Variants in MTUS1 observed in about 807,000 individuals in gnomAD.
The protein encoded by MTUS1 is microtubule associated scaffold protein 1.
MTUS1 carries 109 observed loss-of-function variants against 120.8 expected under a neutral mutation model. The observed-to-expected ratio is 0.90, with a 90% CI of 0.77 to 1.06. The LOEUF (loss-of-function observed/expected upper bound fraction) is 1.06, where lower values mean the gene tolerates loss of function less well. Among genes scored for constraint, MTUS1 ranks in the 50% least tolerant of loss-of-function variants. MTUS1 has a pLI of 0.00. For missense variants in MTUS1, 2,210 were observed against 1,486.3 expected (o/e 1.49, Z -8.01); for synonymous variants, 737 against 550.5 (o/e 1.34, Z -4.74).
In MTUS1 at chr8:17,754,703, G is replaced by T; in HGVS notation, c.1105C>A (p.His369Asn). 1 of 1,614,198 alleles carries T rather than the reference G, an allele frequency of 6.2e-7. No individual in the cohort carries two copies. Among genetic ancestry groups the T allele is most frequent in the South Asian group, 1.1e-5 (1 of 91,086 alleles). ...GTGTCTTCAGTCTCAGTGACTTTATGCTCTGGGTTCAGCACTTGAGCTTCG... is the reference window on the plus strand; with the variant it reads ...GTGTCTTCAGTCTCAGTGACTTTATTCTCTGGGTTCAGCACTTGAGCTTCG... ...KSEAQVLNPE[H>N]KVTETEDTQM... Residue 369 changes from histidine to asparagine, a missense_variant, in exon 2 of 15, where the codon CAT becomes AAT. Transcript: ENST00000693296.
chr8:17,665,482 G>C (rs1462749069), intron 8 of MTUS1, among the ~76,000 whole-genome samples: 9 of 151,798 alleles, frequency 5.9e-5, no homozygotes, highest in African/African-American at 2.2e-4. Flanking sequence ...TACCAAAGAA[G>C]AATGGAAATA....
At chr8:17,713,376 G>A in intron 5 of MTUS1, 124 bp from the exon 6 acceptor site, 1 of 635,122 alleles carries the variant, frequency 1.6e-6, no homozygotes, top group Admixed American at 3.2e-5. Context: ...TTCCCGGTGG[G>A]AAATATCACC....
At position 17,678,958 on chromosome 8, in the gene MTUS1, A is replaced by C. The variant is rs75216518; in HGVS notation, c.2839-3706T>G. On this transcript the variant is annotated intron_variant, in intron 7 of 14. Transcript: ENST00000693296. ...AGGATAAACCAAGAATTAGAAAAAA[A>C]CTAAAATAACTTTAGTGTGTCTTCT... Among the ~76,000 whole-genome samples the C allele has an allele frequency of 6.2e-3, 949 of 152,328 alleles. 12 individuals are homozygous for C. The highest frequency in any genetic ancestry group is 0.022 in the African/African-American group (896 of 41,556).
At chr8:17,699,074 C>T (rs914101399) in intron 6 of MTUS1, among the ~76,000 whole-genome samples, 2 of 152,146 alleles carry the variant, frequency 1.3e-5, no homozygotes, top group Admixed American at 6.6e-5. Context: ...GCATTAAAAA[C>T]AAACAGAAGA....
At chr8:17,778,137 G>A (rs956824509) in intron 1 of MTUS1, among the ~76,000 whole-genome samples, 5 of 152,034 alleles carry the variant, frequency 3.3e-5, no homozygotes, top group Admixed American at 6.6e-5. Flanking sequence ...TGTCCATCAC[G>A]GGTAGATTAT....
At chr8:17,669,038 G>A (rs754081190) in intron 8 of MTUS1, among the ~76,000 whole-genome samples, 5 of 152,220 alleles carry the variant, frequency 3.3e-5, no homozygotes, top group Non-Finnish European at 7.3e-5. Context: ...CACCTGCTAA[G>A]TGCCAAGCAC....
chr8:17,757,683 T>C (rs1282944935), intron 1 of MTUS1, among the ~76,000 whole-genome samples: 1 of 152,062 alleles, frequency 6.6e-6, no homozygotes, highest in Non-Finnish European at 1.5e-5. Context: ...TACACCTTCA[T>C]GCGTGGCTGA....
chr8:17,698,191 A>T (rs921504387), intron 6 of MTUS1, among the ~76,000 whole-genome samples: 1 of 152,234 alleles, frequency 6.6e-6, no homozygotes, highest in African/African-American at 2.4e-5. Context: ...AGAATAGTCC[A>T]TCAGATAGGC....
At position 17,743,783 on chromosome 8, in the gene MTUS1, G is replaced by A. The variant is rs2131270395; in HGVS notation, c.2108C>T (p.Thr703Ile). Residue 703 changes from threonine (T) to isoleucine (I), a missense_variant, in exon 3 of 15, where the codon ACA (threonine) becomes ATA (isoleucine). Coordinates refer to ENST00000693296, the MANE Select transcript of MTUS1 (RefSeq NM_001363059.2). ...GSLFLGSASKTTTTSGRNISK... is the reference protein window; with the variant it reads ...GSLFLGSASKITTTSGRNISK... ...TATATTCCTACCTGAGGTGGTCGTT[G>A]TTTTTGAAGCAGAGCCCTGTGAAAA... is the stretch of plus-strand genomic sequence containing the variant. 1.2e-6 allele frequency: 2 copies of A among 1,613,838 alleles called. No individual in the cohort carries two copies. Among genetic ancestry groups the A allele is most frequent in the East Asian group, 4.5e-5 (2 of 44,880 alleles).
chr8:17,684,621 C>G, intron 6 of MTUS1, 79 bp from the exon 7 acceptor site: 1 of 1,094,036 alleles, frequency 9.1e-7, no homozygotes, highest in Admixed American at 1.8e-5. Flanking sequence ...TCAAAAACAA[C>G]CAGATAAGCC....
At chr8:17,735,515 G>A (rs970452459) in intron 3 of MTUS1, among the ~76,000 whole-genome samples, 2 of 152,182 alleles carry the variant, frequency 1.3e-5, no homozygotes, top group African/African-American at 4.8e-5. Flanking sequence ...GGACACGTCT[G>A]CTCCAGGCAT....
intron 1 of MTUS1, among the ~76,000 whole-genome samples, chr8:17,768,012 C>G (rs540825286): frequency 1.3e-5 from 2 of 152,206 alleles, no homozygotes; most frequent in Admixed American, 1.3e-4. Flanking sequence ...AAGGCCACTG[C>G]TGTGTCCTCT....
intron 1 of MTUS1, among the ~76,000 whole-genome samples, chr8:17,756,671 A>ACCTCCC (rs1554526123): frequency 8.5e-6 from 1 of 117,484 alleles, no homozygotes; most frequent in Non-Finnish European, 1.7e-5. Flanking sequence ...TCAAGCCCAA[A>ACCTCCC]CCCCCACCCC....
chr8:17,708,734 T>C (rs1204647919), intron 6 of MTUS1: 1 of 152,214 alleles, frequency 6.6e-6, no homozygotes, highest in Non-Finnish European at 1.5e-5. Context: ...TTTTACCCTA[T>C]AAAGGCTTTA....
At chr8:17,666,764 T>C (rs898060853) in intron 8 of MTUS1, among the ~76,000 whole-genome samples, 4 of 152,108 alleles carry the variant, frequency 2.6e-5, no homozygotes, top group African/African-American at 9.7e-5. Flanking sequence ...CAACACAACA[T>C]CTTTTTAGAA....
chr8:17,749,377 G>C (rs1288980911), intron 2 of MTUS1, among the ~76,000 whole-genome samples: 1 of 152,000 alleles, frequency 6.6e-6, no homozygotes, highest in Non-Finnish European at 1.5e-5. Context: ...AAAATCTTTA[G>C]GCTGGGGGTG....
chr8:17,703,863 G>A (rs1362156763), intron 6 of MTUS1: 1 of 152,244 alleles, frequency 6.6e-6, no homozygotes, highest in East Asian at 1.9e-4. Context: ...TTCCTCAGAA[G>A]CATGTAATCT....
rs561146264 is a variant in MTUS1 at position 17,713,016 on chromosome 8, T to C, written c.2623+198A>G. On this transcript the variant is annotated intron_variant, in intron 6 of 14. Transcript: ENST00000693296. The stretch of plus-strand genomic sequence containing the variant: ...CTATAACTATCTATTAGTAATACAA[T>C]GTCCTTTCATGCATTAGATGGCCAG... Among the ~76,000 whole-genome samples, 62 of 152,328 alleles carry C rather than the reference T, an allele frequency of 4.1e-4. No individual in the cohort carries two copies. In the South Asian group the frequency reaches 9.1e-3, roughly 22 times the overall value.
chr8:17,780,774 A>AGT (rs1053462499), intron 1 of MTUS1: 29 of 152,354 alleles, frequency 1.9e-4, no homozygotes, highest in Admixed American at 1.7e-3. Context: ...AATTGTACTC[A>AGT]GTTCCTGCCA....
Sources: gnomAD v4.1 joint callset for allele counts (sites outside exome capture counted in the v4.1 genomes callset) on GRCh38, gnomAD v4.1.1 for gene constraint, MANE v1.5 for transcripts, NCBI Gene and HGNC (gene_info 2026-07-23, HGNC 2026-07-21) for gene names.